The following SGCZ variants were observed in gnomAD, a reference collection of about 807,000 sequenced individuals.
The protein encoded by SGCZ is sarcoglycan zeta.
In SGCZ, 40 loss-of-function variants were observed where a neutral mutation model predicts 41.3. The ratio of observed to expected loss-of-function variants is 0.97; its 90% CI spans 0.75 to 1.26. The LOEUF (loss-of-function observed/expected upper bound fraction) is 1.26, where lower values mean the gene tolerates loss of function less well. Ranked by LOEUF, SGCZ falls within the 50% of genes most tolerant of loss-of-function variation. The pLI is 0.00. For synonymous variants in SGCZ, 206 were observed against 137.5 expected (o/e 1.50, Z -3.49); for missense variants, 552 against 369.8 (o/e 1.49, Z -4.04).
chr8:14,694,541 A>C (rs1166597389), intron 1 of SGCZ, among the ~76,000 whole-genome samples: 1 of 152,116 alleles, frequency 6.6e-6, no homozygotes, highest in Non-Finnish European at 1.5e-5. Flanking sequence ...TGATCCTAGG[A>C]CTCAATAAAC....
intron 1 of SGCZ, among the ~76,000 whole-genome samples, chr8:15,090,280 A>G (rs1198967567): frequency 1.3e-5 from 2 of 152,222 alleles, no homozygotes; most frequent in African/African-American, 2.4e-5. Context: ...AATACCATGT[A>G]TTTTGGCCAA....
intron 2 of SGCZ, among the ~76,000 whole-genome samples, chr8:14,516,839 T>A (rs919687156): frequency 6.6e-6 from 1 of 152,078 alleles, no homozygotes. Flanking sequence ...TTTTATAAAT[T>A]GAGGGAACTT....
At chr8:15,002,938 T>C (rs1168192565) in intron 1 of SGCZ, among the ~76,000 whole-genome samples, 1 of 152,076 alleles carries the variant, frequency 6.6e-6, no homozygotes, top group African/African-American at 2.4e-5. Flanking sequence ...TCCATTATAG[T>C]GAATACATCT....
intron 1 of SGCZ, among the ~76,000 whole-genome samples, chr8:14,847,590 T>A (rs1803172974): frequency 6.9e-6 from 1 of 144,844 alleles, no homozygotes; most frequent in African/African-American, 2.6e-5. Context: ...TTAAAAATTA[T>A]CAGAAAGTAG....
chr8:14,888,467 A>G (rs1171529481), intron 1 of SGCZ, among the ~76,000 whole-genome samples: 2 of 152,192 alleles, frequency 1.3e-5, no homozygotes, highest in South Asian at 4.1e-4. Flanking sequence ...GCAGGAAAAG[A>G]AGTGAAAGAA....
intron 3 of SGCZ, among the ~76,000 whole-genome samples, chr8:14,273,782 G>A (rs1271644509): frequency 6.6e-6 from 1 of 152,076 alleles, no homozygotes; most frequent in Non-Finnish European, 1.5e-5. Context: ...AAAAACTAAT[G>A]AGCATCGTAA....
intron 2 of SGCZ, among the ~76,000 whole-genome samples, chr8:14,520,719 T>C (rs1202700647): frequency 1.3e-5 from 2 of 152,132 alleles, no homozygotes; most frequent in African/African-American, 2.4e-5. Context: ...TTAGAATGGA[T>C]TATTTTCCAT....
At chr8:15,160,001 G>A (rs1000111608) in intron 1 of SGCZ, among the ~76,000 whole-genome samples, 2 of 151,674 alleles carry the variant, frequency 1.3e-5, no homozygotes, top group Admixed American at 6.6e-5. Context: ...TGATTTTTTT[G>A]TTGTTTTTCA....
chr8:15,228,602 AAGTAAC>A (rs1801847794), intron 1 of SGCZ, among the ~76,000 whole-genome samples: 1 of 152,216 alleles, frequency 6.6e-6, no homozygotes, highest in Non-Finnish European at 1.5e-5. Context: ...CCCTAGACCA[AAGTAAC>A]AGACAACAGA....
At position 15,009,009 on chromosome 8, in the gene SGCZ, A is replaced by G. The variant is rs746181569; in HGVS notation, c.39+228576T>C. ...AAAACATTATCTCCTGTTTTCACGT[A>G]TCCTGGCCCAAGCTATACAATTGTC... On this transcript the variant is annotated intron_variant, in intron 1 of 7. Coordinates refer to ENST00000382080, the MANE Select transcript of SGCZ (RefSeq NM_139167.4). Among the ~76,000 whole-genome samples, 68 of 152,288 alleles carry G rather than the reference A, an allele frequency of 4.5e-4. No homozygotes were observed. The Middle Eastern group carries it at 0.01, about 23-fold the overall frequency.
At chr8:14,625,324 G>A (rs1806418858) in intron 1 of SGCZ, among the ~76,000 whole-genome samples, 1 of 152,100 alleles carries the variant, frequency 6.6e-6, no homozygotes, top group South Asian at 2.1e-4. Context: ...TTCAGAAGCA[G>A]CTTCTGTTGT....
intron 1 of SGCZ, among the ~76,000 whole-genome samples, chr8:14,825,402 G>T (rs931542476): frequency 6.6e-6 from 1 of 151,902 alleles, no homozygotes; most frequent in Admixed American, 6.6e-5. Flanking sequence ...ACTTACTGAA[G>T]AACTCAAAAA....
At chr8:14,887,994 T>C (rs957220685) in intron 1 of SGCZ, among the ~76,000 whole-genome samples, 1 of 152,128 alleles carries the variant, frequency 6.6e-6, no homozygotes, top group Non-Finnish European at 1.5e-5. Flanking sequence ...AAATGATAAG[T>C]ATTTGAGGTG....
intron 1 of SGCZ, among the ~76,000 whole-genome samples, chr8:14,657,062 G>A (rs189374320): frequency 6.6e-6 from 1 of 152,046 alleles, no homozygotes; most frequent in African/African-American, 2.4e-5. Flanking sequence ...AAACTATTGT[G>A]CGTCACTCAT....
chr8:14,922,013 T>C (rs1189325425), intron 1 of SGCZ, among the ~76,000 whole-genome samples: 2 of 152,156 alleles, frequency 1.3e-5, no homozygotes, highest in East Asian at 3.8e-4. Context: ...ACTTTTTATT[T>C]ATGTGAATAC....
chr8:14,651,370 TTGAATA>T (rs2117456175), intron 1 of SGCZ, among the ~76,000 whole-genome samples: 1 of 152,252 alleles, frequency 6.6e-6, no homozygotes, highest in African/African-American at 2.4e-5. Context: ...AGAGCAGGAA[TTGAATA>T]TGAACATGTC....
At chr8:14,986,255 A>T (rs1316704292) in intron 1 of SGCZ, among the ~76,000 whole-genome samples, 1 of 152,164 alleles carries the variant, frequency 6.6e-6, no homozygotes, top group Non-Finnish European at 1.5e-5. Flanking sequence ...CTTAAGTTTG[A>T]TATTACACAT....
intron 2 of SGCZ, among the ~76,000 whole-genome samples, chr8:14,546,141 C>T (rs943157465): frequency 2.6e-5 from 4 of 152,160 alleles, no homozygotes; most frequent in African/African-American, 4.8e-5. Flanking sequence ...ATATCATTTA[C>T]TCTCATCAAT....
chr8:15,095,725 A>C (rs1172868520), intron 1 of SGCZ, among the ~76,000 whole-genome samples: 1 of 152,164 alleles, frequency 6.6e-6, no homozygotes, highest in African/African-American at 2.4e-5. Context: ...GCAGTGTGCT[A>C]AAGTAACACA....
Sources: allele counts gnomAD v4.1 joint callset (sites outside exome capture counted in the v4.1 genomes callset), GRCh38; gene constraint gnomAD v4.1.1; transcripts MANE v1.5; gene names NCBI Gene and HGNC (gene_info 2026-07-23, HGNC 2026-07-21).